Variants in BCL2L14 observed in about 807,000 individuals in gnomAD.
BCL2L14 encodes BCL2 like 14.
A neutral mutation model predicts 35.3 loss-of-function variants in BCL2L14; 27 were observed. The observed-to-expected ratio is 0.76, with a 90% CI of 0.56 to 1.05. The LOEUF (loss-of-function observed/expected upper bound fraction) is 1.05, where lower values mean the gene tolerates loss of function less well. Among genes scored for constraint, BCL2L14 ranks in the 50% least tolerant of loss-of-function variants. The pLI is 0.00. For missense variants in BCL2L14, 377 were observed against 382.6 expected (o/e 0.99, Z 0.12); for synonymous variants, 139 against 145.9 (o/e 0.95, Z 0.34).
chr12:12,065,824 C>T (rs1474277294), intron 2 of BCL2L14, among the ~76,000 whole-genome samples: 4 of 151,042 alleles, frequency 2.6e-5, no homozygotes, highest in Non-Finnish European at 5.9e-5. Flanking sequence ...CGAAGTCTCG[C>T]TCTGTTGCCC....
intron 2 of BCL2L14, among the ~76,000 whole-genome samples, chr12:12,058,465 T>C (rs905932144): frequency 1.3e-5 from 2 of 152,150 alleles, no homozygotes; most frequent in African/African-American, 4.8e-5. Context: ...TTGGCCAGGC[T>C]GTTCTGTAAC....
chr12:12,073,662 A>C (rs1364987902), intron 1 of BCL2L14, among the ~76,000 whole-genome samples: 1 of 152,120 alleles, frequency 6.6e-6, no homozygotes, highest in Non-Finnish European at 1.5e-5. Flanking sequence ...GATGTTTTTA[A>C]CATACATGGA....
intron 1 of BCL2L14, among the ~76,000 whole-genome samples, chr12:12,078,837 G>A (rs374655380): frequency 2.6e-5 from 4 of 151,828 alleles, no homozygotes; most frequent in African/African-American, 4.8e-5. Context: ...TCACTCTGTC[G>A]CCAGGCTGGA....
chr12:12,063,908 C>T (rs1266956050), intron 2 of BCL2L14, among the ~76,000 whole-genome samples: 24 of 152,110 alleles, frequency 1.6e-4, no homozygotes, highest in Admixed American at 1.5e-3. Context: ...TCGTGCCCGC[C>T]AGAGAACAAC....
intron 5 of BCL2L14, among the ~76,000 whole-genome samples, chr12:12,098,504 A>G (rs1949361933): frequency 1.3e-5 from 2 of 152,136 alleles, no homozygotes; most frequent in African/African-American, 4.8e-5. Context: ...AACTCTATCT[A>G]CAAGGCATGC....
intron 1 of BCL2L14, among the ~76,000 whole-genome samples, chr12:12,078,877 A>T (rs577833721): frequency 1.3e-5 from 2 of 151,806 alleles, no homozygotes; most frequent in African/African-American, 4.8e-5. Flanking sequence ...GCTCACTACA[A>T]CCCCCGACTC....
At chr12:12,084,089 CT>C (rs1356450303) in intron 2 of BCL2L14, among the ~76,000 whole-genome samples, 1 of 152,154 alleles carries the variant, frequency 6.6e-6, no homozygotes, top group Non-Finnish European at 1.5e-5. Context: ...CAAAGGGTGC[CT>C]TCTTTCTAGG....
intron 2 of BCL2L14, chr12:12,055,473 A>C (rs1948417322): frequency 1.3e-5 from 2 of 152,198 alleles, no homozygotes; most frequent in South Asian, 4.1e-4. Context: ...TTTTGCAGGA[A>C]TTAACATCAA....
At chr12:12,073,707 G>A (rs916268673) in intron 1 of BCL2L14, among the ~76,000 whole-genome samples, 1 of 152,114 alleles carries the variant, frequency 6.6e-6, no homozygotes, top group Non-Finnish European at 1.5e-5. Flanking sequence ...CTGGTCTGAC[G>A]AGGGCGCACA....
intron 2 of BCL2L14, among the ~76,000 whole-genome samples, chr12:12,057,741 G>A (rs1417459779): frequency 5.2e-5 from 6 of 115,168 alleles, no homozygotes; most frequent in Non-Finnish European, 1.1e-4. Flanking sequence ...TGGGCAATAA[G>A]AGCAAAACTC....
At chr12:12,090,736 T>G in intron 3 of BCL2L14, 43 bp from the exon 4 acceptor site, 1 of 1,524,572 alleles carries the variant, frequency 6.6e-7, no homozygotes, top group Admixed American at 1.7e-5. Flanking sequence ...TAAGATTATT[T>G]TTTGCTTCTC....
At position 12,094,828 on chromosome 12, in the gene BCL2L14, G is replaced by A; in HGVS notation, c.843G>A (p.Lys281=). The change falls in exon 5 of 6, where the codon AAG becomes AAA. Residue 281 remains lysine, a synonymous_variant. Coordinates refer to ENST00000308721, the MANE Select transcript of BCL2L14 (RefSeq NM_138723.2). ...CCCTTGTAATAGACGTCACGGCCAA[G>A]CTCACAGCTATTGACAACCACCCGA... ...KAALVIDVTA[K]LTAIDNHPMN... 6.2e-7 allele frequency: 1 copy of A among 1,614,162 alleles called. No individual in the cohort carries two copies. Among genetic ancestry groups the A allele is most frequent in the African/African-American group, 1.3e-5 (1 of 75,044 alleles).
At chr12:12,062,967 T>G (rs1033544273) in intron 2 of BCL2L14, among the ~76,000 whole-genome samples, 4 of 152,214 alleles carry the variant, frequency 2.6e-5, no homozygotes, top group African/African-American at 9.7e-5. Flanking sequence ...AACAATACTT[T>G]TACCACTTTC....
At chr12:12,053,401 G>A (rs946561044) in intron 2 of BCL2L14, among the ~76,000 whole-genome samples, 1 of 145,972 alleles carries the variant, frequency 6.9e-6, no homozygotes, top group Non-Finnish European at 1.5e-5. Context: ...AGGTTACAAT[G>A]GCCCTATAAC....
chr12:12,091,267 C>G (rs1218517245), intron 4 of BCL2L14, among the ~76,000 whole-genome samples: 1 of 152,190 alleles, frequency 6.6e-6, no homozygotes, highest in East Asian at 1.9e-4. Context: ...GAATCTTTTT[C>G]CCCTGTAGTT....
In BCL2L14 at chr12:12,058,939, C is replaced by G. The variant is rs375359593; in HGVS notation, c.-272+7092C>G. ...ACCAATTTCAAATCCAGTAAGCGGC[C>G]TCTTTTTACTCTCTTCTCCAACCTC... On this transcript the variant is annotated intron_variant, in intron 2 of 3. Transcript: ENST00000461264. Among the ~76,000 whole-genome samples, 38 of 152,348 alleles carry G rather than the reference C, an allele frequency of 2.5e-4. No homozygotes were observed. The East Asian group carries it at 5.0e-3, about 20-fold the overall frequency.
chr12:12,060,263 G>A (rs1205599277), intron 2 of BCL2L14, among the ~76,000 whole-genome samples: 1 of 151,314 alleles, frequency 6.6e-6, no homozygotes, highest in Non-Finnish European at 1.5e-5. Flanking sequence ...TAAAGTTAAT[G>A]CTCCTTTTTC....
At position 12,094,545 on chromosome 12, in the gene BCL2L14, C is replaced by G. The variant is rs369434316; in HGVS notation, c.679-119C>G. On this transcript the variant is annotated intron_variant, in intron 4 of 5. Transcript: ENST00000308721. ...TTCATCCCCATTCCCTTGGTTGACA[C>G]CAGCATCCAGGGTTTTCCACAGGAT... 46 of 1,614,126 alleles carry G rather than the reference C, an allele frequency of 2.8e-5. 1 individual carries two copies. The highest frequency in any genetic ancestry group is 2.0e-4 in the East Asian group (9 of 44,906).
chr12:12,055,324 G>C (rs1948415619), intron 2 of BCL2L14: 1 of 152,192 alleles, frequency 6.6e-6, no homozygotes, highest in Non-Finnish European at 1.5e-5. Flanking sequence ...AGCCTTGCTA[G>C]AGTGAACGTG....
Sources: allele counts gnomAD v4.1 joint callset (sites outside exome capture counted in the v4.1 genomes callset), GRCh38; gene constraint gnomAD v4.1.1; transcripts MANE v1.5; gene names NCBI Gene and HGNC (gene_info 2026-07-23, HGNC 2026-07-21).